The following CNTNAP2 variants were observed in gnomAD, a reference collection of about 807,000 sequenced individuals.
CNTNAP2 encodes the protein contactin associated protein 2.
Under a neutral mutation model 155.2 loss-of-function variants are expected in CNTNAP2, and 98 were observed. The ratio of observed to expected loss-of-function variants is 0.63; its 90% confidence interval spans 0.54 to 0.75. CNTNAP2 has a LOEUF of 0.75. Among genes scored for constraint, CNTNAP2 ranks in the 30% least tolerant of loss-of-function variants. The pLI is 0.00. For synonymous variants in CNTNAP2, 651 were observed against 631.2 expected (o/e 1.03, Z -0.47); for missense variants, 1,727 against 1,688.1 (o/e 1.02, Z -0.40).
At chr7:147,738,650 C>CTTTTTTTTTT (rs111611444) in intron 13 of CNTNAP2, among the ~76,000 whole-genome samples, 2 of 57,544 alleles carry the variant, frequency 3.5e-5, no homozygotes, top group Non-Finnish European at 3.5e-5. Flanking sequence ...GTAAACATAA[C>CTTTTTTTTTT]TTTTTTTTTT....
At chr7:147,097,857 G>A (rs1800574699) in intron 4 of CNTNAP2, among the ~76,000 whole-genome samples, 1 of 152,096 alleles carries the variant, frequency 6.6e-6, no homozygotes, top group African/African-American at 2.4e-5. Flanking sequence ...TTTTGTTTTT[G>A]TTTTCAGGGT....
chr7:146,371,087 A>C (rs2129102697), intron 1 of CNTNAP2, among the ~76,000 whole-genome samples: 1 of 152,052 alleles, frequency 6.6e-6, no homozygotes, highest in Non-Finnish European at 1.5e-5. Flanking sequence ...TCTCCTCTTC[A>C]ATTTTCTATA....
At chr7:147,425,507 T>C (rs1358061731) in intron 10 of CNTNAP2, among the ~76,000 whole-genome samples, 1 of 152,004 alleles carries the variant, frequency 6.6e-6, no homozygotes, top group Admixed American at 6.6e-5. Flanking sequence ...GACAAAATAT[T>C]CCATAAATAT....
intron 9 of CNTNAP2, among the ~76,000 whole-genome samples, chr7:147,376,059 A>G (rs750814883): frequency 6.6e-6 from 1 of 152,078 alleles, no homozygotes; most frequent in Non-Finnish European, 1.5e-5. Flanking sequence ...TAATGTGTGG[A>G]GTTTTCCCAC....
chr7:147,263,514 TAAAC>T (rs766536911), intron 8 of CNTNAP2, among the ~76,000 whole-genome samples: 8 of 152,208 alleles, frequency 5.3e-5, no homozygotes, highest in Admixed American at 1.3e-4. Context: ...CTTGAAAACA[TAAAC>T]AAAACAACAC....
chr7:148,290,026 A>C (rs1797161102), intron 21 of CNTNAP2, among the ~76,000 whole-genome samples: 1 of 152,210 alleles, frequency 6.6e-6, no homozygotes, highest in Admixed American at 6.5e-5. Flanking sequence ...TTCAAATCAG[A>C]ATCTATGTTC....
intron 13 of CNTNAP2, among the ~76,000 whole-genome samples, chr7:147,756,716 C>T (rs1797218064): frequency 6.6e-6 from 1 of 152,110 alleles, no homozygotes; most frequent in Non-Finnish European, 1.5e-5. Flanking sequence ...GGACTCCTTC[C>T]TCTAAGACAT....
In CNTNAP2 at chr7:147,542,551, G is replaced by A. The variant is rs562670806; in HGVS notation, c.1778-19587G>A. The stretch of plus-strand genomic sequence containing the variant: ...TTAAGCTTCAGGGCCTTTTATTTGT[G>A]TAGGGCATATATGTTCACATAGTCA... On this transcript the variant is annotated intron_variant, in intron 11 of 23. Transcript: ENST00000361727. Among the ~76,000 whole-genome samples the A allele has an allele frequency of 1.4e-3, 211 of 152,228 alleles. 2 individuals are homozygous for A. Among genetic ancestry groups the A allele is most frequent in the South Asian group, 6.4e-3 (31 of 4,820 alleles).
intron 1 of CNTNAP2, among the ~76,000 whole-genome samples, chr7:146,456,915 G>A (rs1461619836): frequency 6.6e-6 from 1 of 152,116 alleles, no homozygotes; most frequent in Non-Finnish European, 1.5e-5. Context: ...GACAGTCTTA[G>A]AAATCATCTA....
At chr7:147,449,048 A>G (rs1226666745) in intron 10 of CNTNAP2, among the ~76,000 whole-genome samples, 2 of 152,198 alleles carry the variant, frequency 1.3e-5, no homozygotes, top group African/African-American at 4.8e-5. Context: ...ATCTTTAACC[A>G]AAGGCACTTT....
intron 8 of CNTNAP2, among the ~76,000 whole-genome samples, chr7:147,272,263 T>C (rs1804769189): frequency 6.6e-6 from 1 of 152,152 alleles, no homozygotes; most frequent in Admixed American, 6.5e-5. Context: ...CTACTCATCC[T>C]CTCTTCTGAC....
At chr7:148,125,025 A>T (rs1804685500) in intron 16 of CNTNAP2, among the ~76,000 whole-genome samples, 1 of 152,126 alleles carries the variant, frequency 6.6e-6, no homozygotes, top group Non-Finnish European at 1.5e-5. Context: ...GTATTGTTAG[A>T]GTGTGAAGTA....
intron 4 of CNTNAP2, among the ~76,000 whole-genome samples, chr7:147,089,600 T>C (rs1028318262): frequency 5.3e-5 from 8 of 152,214 alleles, no homozygotes; most frequent in Admixed American, 4.6e-4. Context: ...AAATTGGAAA[T>C]AAGTCTTTGT....
intron 3 of CNTNAP2, among the ~76,000 whole-genome samples, chr7:146,953,270 A>G (rs573780896): frequency 3.7e-4 from 57 of 152,166 alleles, no homozygotes; most frequent in Non-Finnish European, 6.9e-4. Flanking sequence ...TTTAAGGATT[A>G]AAGTTACCAA....
chr7:147,287,831 A>G (rs560790561), intron 8 of CNTNAP2, among the ~76,000 whole-genome samples: 8 of 152,254 alleles, frequency 5.3e-5, no homozygotes, highest in Non-Finnish European at 1.0e-4. Flanking sequence ...CAGCCAGTCA[A>G]TGACCCACCA....
chr7:148,320,384 T>C (rs914287899), intron 21 of CNTNAP2, among the ~76,000 whole-genome samples: 2 of 131,852 alleles, frequency 1.5e-5, no homozygotes, highest in South Asian at 2.7e-4. Flanking sequence ...TTCTTTTTTT[T>C]TTTTTTTTTT....
intron 8 of CNTNAP2, among the ~76,000 whole-genome samples, chr7:147,200,912 A>G (rs1356741308): frequency 1.3e-5 from 2 of 152,242 alleles, no homozygotes; most frequent in Admixed American, 1.3e-4. Flanking sequence ...AGCTCAAAAA[A>G]TGCATGGTTG....
chr7:147,173,637 C>T (rs528468591), intron 8 of CNTNAP2, among the ~76,000 whole-genome samples: 28 of 152,220 alleles, frequency 1.8e-4, no homozygotes, highest in African/African-American at 5.3e-4. Context: ...CTGTATAAAC[C>T]GTACAACTAG....
At chr7:146,872,549 C>T (rs967578737) in intron 3 of CNTNAP2, among the ~76,000 whole-genome samples, 10 of 152,084 alleles carry the variant, frequency 6.6e-5, no homozygotes, top group East Asian at 3.9e-4. Context: ...TAATGTGGTA[C>T]GGCTGTTGTA....
Sources: allele counts gnomAD v4.1 joint callset (sites outside exome capture counted in the v4.1 genomes callset), GRCh38; gene constraint gnomAD v4.1.1; transcripts MANE v1.5; gene names NCBI Gene and HGNC (gene_info 2026-07-23, HGNC 2026-07-21).